The following LTBP1 variants were observed in gnomAD, a reference collection of about 807,000 sequenced individuals.
LTBP1 encodes latent-transforming growth factor beta-binding protein 1.
LTBP1 carries 129 observed loss-of-function variants against 207.6 expected under a neutral mutation model. The observed-to-expected ratio is 0.62, with a 90% CI of 0.54 to 0.72. The LOEUF is 0.72. Among genes scored for constraint, LTBP1 ranks in the 30% least tolerant of loss-of-function variants. LTBP1 has a pLI of 0.00. For missense variants in LTBP1, 2,281 were observed against 2,217.2 expected, an observed-to-expected ratio of 1.03 and a Z score of -0.58; for synonymous variants, 963 against 833.7, an observed-to-expected ratio of 1.16 and a Z score of -2.67.
chr2:33,193,641 C>T (rs2088188167), intron 7 of LTBP1, among the ~76,000 whole-genome samples: 1 of 152,158 alleles, frequency 6.6e-6, no homozygotes, highest in Admixed American at 6.5e-5. Context: ...ACAGCATGCT[C>T]TCACTTTGTG....
intron 26 of LTBP1, among the ~76,000 whole-genome samples, chr2:33,353,245 C>T (rs2094807341): frequency 6.6e-6 from 1 of 152,190 alleles, no homozygotes; most frequent in Non-Finnish European, 1.5e-5. Context: ...TTCCAAAGTT[C>T]TGGGATTACA....
At chr2:32,982,257 T>G (rs1682877291) in intron 2 of LTBP1, among the ~76,000 whole-genome samples, 1 of 152,186 alleles carries the variant, frequency 6.6e-6, no homozygotes, top group African/African-American at 2.4e-5. Context: ...GGCATTTTGC[T>G]TTTGCCCTAG....
chr2:33,041,980 T>C (rs549286864), intron 3 of LTBP1, among the ~76,000 whole-genome samples: 24 of 152,332 alleles, frequency 1.6e-4, no homozygotes, highest in Admixed American at 9.1e-4. Context: ...TATGAAAGTT[T>C]TAGTTGCTCC....
chr2:33,055,809 T>TC (rs2076966637), intron 3 of LTBP1, among the ~76,000 whole-genome samples: 2 of 152,248 alleles, frequency 1.3e-5, no homozygotes, highest in Admixed American at 1.3e-4. Context: ...CAAATTCCCC[T>TC]CCCCCTACAG....
In LTBP1 at chr2:33,197,270, C is replaced by T. The variant is rs767264273; in HGVS notation, c.1701+8419C>T. Among the ~76,000 whole-genome samples, 85 of 152,182 alleles carry T rather than the reference C, an allele frequency of 5.6e-4. 1 individual carries two copies. Among genetic ancestry groups the T allele is most frequent in the Non-Finnish European group, 8.2e-4 (56 of 68,014 alleles). On this transcript the variant is annotated intron_variant, in intron 7 of 33. Transcript: ENST00000404816. ...ATAAATCAAGTATGAAGTAGTTGGC[C>T]GGTCCTAATTTTGGCAGAGTTAGGT...
At chr2:33,324,693 TTCTA>T (rs1172715231) in intron 24 of LTBP1, among the ~76,000 whole-genome samples, 2 of 148,926 alleles carry the variant, frequency 1.3e-5, no homozygotes, top group Non-Finnish European at 2.9e-5. Context: ...AATTACTGTA[TTCTA>T]TCTTTTTTTT....
intron 3 of LTBP1, among the ~76,000 whole-genome samples, chr2:33,026,586 A>T (rs1033930270): frequency 6.6e-6 from 1 of 152,198 alleles, no homozygotes; most frequent in Non-Finnish European, 1.5e-5. Flanking sequence ...GGTCTGCCCA[A>T]CGAGTCTGTG....
chr2:33,014,244 C>T (rs951464660), intron 2 of LTBP1, among the ~76,000 whole-genome samples: 10 of 152,108 alleles, frequency 6.6e-5, no homozygotes, highest in African/African-American at 2.4e-4. Context: ...ATAGAAAAGG[C>T]ATTGGGATGT....
rs530830759 is a variant in LTBP1, at chr2:33,334,217, G to A, written c.3731-8621G>A. On this transcript the variant is annotated intron_variant, in intron 24 of 33. Transcript: ENST00000404816. ...CAAGAACCTTGGCTGTTAAAAAGGA[G>A]TAAGAAATATGGAATGATCCAATAG... Among the ~76,000 whole-genome samples the A allele has an allele frequency of 3.3e-5, 5 of 152,334 alleles. No individual in the cohort carries two copies. In the South Asian group the frequency reaches 6.2e-4, roughly 19 times the overall value.
intron 4 of LTBP1, among the ~76,000 whole-genome samples, chr2:33,124,042 C>T (rs966620674): frequency 6.6e-6 from 1 of 152,160 alleles, no homozygotes; most frequent in African/African-American, 2.4e-5. Context: ...AGACTTTTAA[C>T]ACAATAACAT....
chr2:33,007,504 G>A (rs576525635), intron 2 of LTBP1, among the ~76,000 whole-genome samples: 4 of 152,306 alleles, frequency 2.6e-5, no homozygotes, highest in South Asian at 2.1e-4. Flanking sequence ...GAACACTCAC[G>A]TAGCATTTTA....
intron 2 of LTBP1, among the ~76,000 whole-genome samples, chr2:32,956,412 T>C (rs1408335804): frequency 6.6e-6 from 1 of 152,238 alleles, no homozygotes; most frequent in Non-Finnish European, 1.5e-5. Context: ...GCTCACAGCA[T>C]CTTCGCCAGG....
At chr2:32,953,961 G>C (rs1177668991) in intron 2 of LTBP1, among the ~76,000 whole-genome samples, 1 of 152,194 alleles carries the variant, frequency 6.6e-6, no homozygotes, top group African/African-American at 2.4e-5. Flanking sequence ...GTCCAGCAGA[G>C]AGGAGCTGCC....
intron 3 of LTBP1, among the ~76,000 whole-genome samples, chr2:33,053,258 C>T (rs2076832814): frequency 6.6e-6 from 1 of 152,174 alleles, no homozygotes; most frequent in African/African-American, 2.4e-5. Context: ...CTGGCCCCTG[C>T]AACCCCTCTC....
chr2:33,367,986 G>T (rs1285136433), intron 31 of LTBP1, among the ~76,000 whole-genome samples: 1 of 152,074 alleles, frequency 6.6e-6, no homozygotes, highest in Admixed American at 6.5e-5. Flanking sequence ...AGGCCGAGGC[G>T]GGCGGATCAT....
chr2:33,055,705 A>G (rs898275694), intron 3 of LTBP1, among the ~76,000 whole-genome samples: 19 of 152,300 alleles, frequency 1.2e-4, no homozygotes, highest in East Asian at 5.8e-4. Context: ...TAGGACATCT[A>G]TGTACCTATC....
intron 2 of LTBP1, among the ~76,000 whole-genome samples, chr2:32,983,593 G>A (rs148659109): frequency 2.4e-4 from 36 of 152,312 alleles, no homozygotes; most frequent in Admixed American, 8.5e-4. Flanking sequence ...CCCTTGTGTC[G>A]TAGGAGGGAC....
At chr2:33,175,636 G>C (rs956530329) in intron 5 of LTBP1, among the ~76,000 whole-genome samples, 66 of 152,076 alleles carry the variant, frequency 4.3e-4, no homozygotes, top group Non-Finnish European at 7.1e-4. Flanking sequence ...CCATTGGACC[G>C]AGCCATCCCA....
chr2:33,109,116 A>G (rs2080239056), intron 3 of LTBP1, among the ~76,000 whole-genome samples: 2 of 152,246 alleles, frequency 1.3e-5, no homozygotes, highest in South Asian at 4.1e-4. Context: ...AGCCTCTTCT[A>G]TTCCTTTATC....
Sources: gnomAD v4.1 joint callset for allele counts (sites outside exome capture counted in the v4.1 genomes callset) on GRCh38, gnomAD v4.1.1 for gene constraint, MANE v1.5 for transcripts, NCBI Gene and HGNC (gene_info 2026-07-23, HGNC 2026-07-21) for gene names.